Variants in IFT74 observed in about 807,000 individuals in gnomAD.
The protein encoded by IFT74 is intraflagellar transport 74.
In IFT74, 92 loss-of-function variants were observed where a neutral mutation model predicts 96.7. The ratio of observed to expected loss-of-function variants is 0.95; its 90% confidence interval spans 0.80 to 1.13. IFT74 has a LOEUF of 1.13. Among genes scored for constraint, IFT74 ranks in the 50% most tolerant of loss-of-function variants. The pLI is 0.00. For missense variants in IFT74, 811 were observed against 698.2 expected (o/e 1.16, Z -1.82); for synonymous variants, 223 against 213.2 (o/e 1.05, Z -0.40).
chr9:26,981,596 T>G (rs183259915), intron 4 of IFT74, among the ~76,000 whole-genome samples: 14 of 152,110 alleles, frequency 9.2e-5, no homozygotes, highest in African/African-American at 3.4e-4. Flanking sequence ...GTGTGTGTGT[T>G]TTTAGTAGAG....
intron 16 of IFT74, among the ~76,000 whole-genome samples, chr9:27,050,019 C>T (rs1165423703): frequency 6.6e-6 from 1 of 152,036 alleles, no homozygotes; most frequent in Non-Finnish European, 1.5e-5. Flanking sequence ...GATATTTTAT[C>T]TTCACGACAT....
intron 11 of IFT74, among the ~76,000 whole-genome samples, chr9:27,018,172 A>G (rs1829435536): frequency 6.6e-6 from 1 of 152,226 alleles, no homozygotes; most frequent in Non-Finnish European, 1.5e-5. Flanking sequence ...TCTTTCAGAT[A>G]TATATATGTA....
At chr9:26,966,916 A>G (rs1178380380) in intron 2 of IFT74, among the ~76,000 whole-genome samples, 4 of 152,138 alleles carry the variant, frequency 2.6e-5, no homozygotes, top group African/African-American at 4.8e-5. Context: ...CATTTATTGA[A>G]GAAACTGGCA....
At chr9:27,036,359 GT>G (rs1489744725) in intron 13 of IFT74, 3 of 1,465,234 alleles carry the variant, frequency 2.0e-6, no homozygotes, top group Non-Finnish European at 2.7e-6. Context: ...GCCAAAGTTA[GT>G]TTAAAACATT....
chr9:27,017,084 C>T, intron 11 of IFT74, 34 bp downstream of exon 11: 2 of 1,572,616 alleles, frequency 1.3e-6, no homozygotes, highest in South Asian at 1.2e-5. Flanking sequence ...TTTAAGATGT[C>T]TGGTTTTGGT....
At chr9:27,048,430 A>G (rs1348247063) in intron 16 of IFT74, among the ~76,000 whole-genome samples, 156 bp downstream of exon 16, 1 of 152,172 alleles carries the variant, frequency 6.6e-6, no homozygotes, top group Non-Finnish European at 1.5e-5. Context: ...GGCTAGTATT[A>G]TGTTGTATAT....
chr9:27,056,303 T>C, intron 17 of IFT74, 31 bp from the exon 18 acceptor site: 1 of 1,479,078 alleles, frequency 6.8e-7, no homozygotes, highest in Non-Finnish European at 9.2e-7. Flanking sequence ...ATATTTTCTA[T>C]AACCTGTCAC....
At chr9:26,983,058 G>A (rs768022742) in intron 4 of IFT74, among the ~76,000 whole-genome samples, 6 of 150,790 alleles carry the variant, frequency 4.0e-5, no homozygotes, top group Non-Finnish European at 7.4e-5. Flanking sequence ...CTTTTATTTC[G>A]CTTTTGTTTA....
intron 16 of IFT74, among the ~76,000 whole-genome samples, chr9:27,053,005 A>C (rs1044950476): frequency 2.6e-5 from 4 of 151,998 alleles, no homozygotes; most frequent in Non-Finnish European, 5.9e-5. Context: ...CTGGGACTAC[A>C]GGCACCCACC....
At chr9:27,060,820 G>T in intron 19 of IFT74, 169 bp downstream of exon 19, 1 of 393,156 alleles carries the variant, frequency 2.5e-6, no homozygotes. Context: ...AACATAGCCG[G>T]GCGTGGTGGC....
chr9:27,005,922 C>G (rs1741919783), intron 8 of IFT74, among the ~76,000 whole-genome samples: 1 of 152,130 alleles, frequency 6.6e-6, no homozygotes, highest in African/African-American at 2.4e-5. Flanking sequence ...TCAATGCAAC[C>G]TCCACCTCCT....
At chr9:27,019,995 A>G (rs1265413034) in intron 12 of IFT74, among the ~76,000 whole-genome samples, 1 of 148,580 alleles carries the variant, frequency 6.7e-6, no homozygotes, top group African/African-American at 2.5e-5. Flanking sequence ...TTTTTTTCTG[A>G]TACAGAGTCC....
At chr9:26,992,491 A>G (rs1445544305) in intron 8 of IFT74, among the ~76,000 whole-genome samples, 1 of 152,084 alleles carries the variant, frequency 6.6e-6, no homozygotes, top group East Asian at 1.9e-4. Flanking sequence ...TCAGGAGTTC[A>G]AGACCAGCCT....
In IFT74 at chr9:26,974,723, G is replaced by A. The variant is rs555581124; in HGVS notation, c.121-3405G>A. On this transcript the variant is annotated intron_variant, in intron 2 of 19. Transcript: ENST00000380062. The stretch of plus-strand genomic sequence containing the variant: ...ATGCTTTTTTTCTCCTCCGAAAAGA[G>A]GATGCCTGGGATGGATATTAACTCG... Among the ~76,000 whole-genome samples, 20 of 152,204 alleles carry A rather than the reference G, an allele frequency of 1.3e-4. No individual in the cohort carries two copies. In the South Asian group the frequency reaches 3.3e-3, roughly 25 times the overall value.
chr9:26,982,368 A>G (rs1355132563), intron 4 of IFT74: 1 of 440,862 alleles, frequency 2.3e-6, no homozygotes, highest in East Asian at 7.7e-5. Context: ...GATTCAAGTG[A>G]TTCTCTTGCC....
chr9:26,977,363 T>A (rs1176115197), intron 2 of IFT74, among the ~76,000 whole-genome samples: 1 of 152,210 alleles, frequency 6.6e-6, no homozygotes, highest in Non-Finnish European at 1.5e-5. Flanking sequence ...CTTGGATAGC[T>A]GAGGCAGAAG....
Position 27,056,455 on chromosome 9 carries a change from C to T in IFT74, c.1619C>T (p.Ser540Phe). The T allele has an allele frequency of 6.3e-7, 1 of 1,591,178 alleles. No homozygotes were observed. Among genetic ancestry groups the T allele is most frequent in the South Asian group, 1.2e-5 (1 of 86,238 alleles). The stretch of plus-strand genomic sequence containing the variant: ...CAATTGCAAGAAAATGAGACACATT[C>T]TCAGGTAAAAAATGTTTTAAATGAC... ...KTQLQENETHSQLTNLERKWQ... is the reference protein window; with the variant it reads ...KTQLQENETHFQLTNLERKWQ... Residue 540 changes from serine (S) to phenylalanine (F), a missense_variant, in exon 18 of 20, where the codon TCT (serine) becomes TTT (phenylalanine). Transcript: ENST00000380062.
intron 8 of IFT74, among the ~76,000 whole-genome samples, chr9:27,006,976 A>G (rs1330524203): frequency 6.6e-6 from 1 of 151,316 alleles, no homozygotes; most frequent in Non-Finnish European, 1.5e-5. Context: ...AGCTGGGACT[A>G]CAGGCGCCCA....
intron 2 of IFT74, among the ~76,000 whole-genome samples, chr9:26,972,374 A>T (rs1216506878): frequency 6.6e-6 from 1 of 152,162 alleles, no homozygotes; most frequent in Non-Finnish European, 1.5e-5. Context: ...AATGGACTGG[A>T]TGCATTGAGG....
Sources: allele counts gnomAD v4.1 joint callset (sites outside exome capture counted in the v4.1 genomes callset), GRCh38; gene constraint gnomAD v4.1.1; transcripts MANE v1.5; gene names NCBI Gene and HGNC (gene_info 2026-07-23, HGNC 2026-07-21).